The following LYPLAL1 variants were observed in gnomAD, a reference collection of about 807,000 sequenced individuals.
LYPLAL1 encodes lysophospholipase-like protein 1.
Under a neutral mutation model 19.7 loss-of-function variants are expected in LYPLAL1, and 23 were observed. The ratio of observed to expected loss-of-function variants is 1.17; its 90% CI spans 0.84 to 1.65. The LOEUF (loss-of-function observed/expected upper bound fraction) is 1.65, where lower values mean the gene tolerates loss of function less well. LYPLAL1 is among the 40% of genes most tolerant of loss of function. The pLI, the probability that LYPLAL1 is intolerant of heterozygous loss-of-function variation, is 0.00. For missense variants in LYPLAL1, 355 were observed against 279.4 expected (o/e 1.27, Z -1.93); for synonymous variants, 119 against 96.3 (o/e 1.24, Z -1.38).
the LYPLAL1 span, among the ~76,000 whole-genome samples, chr1:219,330,767 A>G: frequency 6.6e-6 from 1 of 152,228 alleles, no homozygotes; most frequent in Non-Finnish European, 1.5e-5. Context: ...TGTTTGTCTC[A>G]TAAAAGCTGT....
the LYPLAL1 span, among the ~76,000 whole-genome samples, chr1:219,352,256 C>T: frequency 0.071 from 10,735 of 152,268 alleles, 481 homozygotes; most frequent in Non-Finnish European, 0.1. Context: ...GGGGGCCAGG[C>T]GCGGTGGCTC....
At chr1:219,309,282 C>T in the LYPLAL1 span, among the ~76,000 whole-genome samples, 1 of 152,168 alleles carries the variant, frequency 6.6e-6, no homozygotes, top group African/African-American at 2.4e-5. Context: ...TAGGAAGTAA[C>T]TAGCTTGCTT....
At chr1:219,410,977 C>T in the LYPLAL1 span, among the ~76,000 whole-genome samples, 6 of 152,360 alleles carry the variant, frequency 3.9e-5, no homozygotes, top group East Asian at 7.7e-4. Context: ...CCCCGACGAG[C>T]GCCACCCCCT....
At chr1:219,224,796 C>T in the LYPLAL1 span, among the ~76,000 whole-genome samples, 1 of 152,120 alleles carries the variant, frequency 6.6e-6, no homozygotes, top group South Asian at 2.1e-4. Context: ...CAGGCCCAAT[C>T]TAATGTTTAT....
At chr1:219,220,599 C>G in the LYPLAL1 span, among the ~76,000 whole-genome samples, 1 of 152,130 alleles carries the variant, frequency 6.6e-6, no homozygotes, top group South Asian at 2.1e-4. Flanking sequence ...CCTTCATTTA[C>G]TGACCAAACT....
intron 2 of LYPLAL1, among the ~76,000 whole-genome samples, chr1:219,184,648 T>A (rs1317831356): frequency 6.6e-6 from 1 of 151,860 alleles, no homozygotes; most frequent in African/African-American, 2.4e-5. Context: ...AGCTGAGAGG[T>A]TTCTTTGTGA....
the LYPLAL1 span, among the ~76,000 whole-genome samples, chr1:219,303,007 C>T: frequency 6.6e-6 from 1 of 152,184 alleles, no homozygotes; most frequent in Non-Finnish European, 1.5e-5. Context: ...ACAAAATAGA[C>T]TATGAGCTCA....
chr1:219,443,035 G>A, the LYPLAL1 span, among the ~76,000 whole-genome samples: 1 of 151,834 alleles, frequency 6.6e-6, no homozygotes, highest in Non-Finnish European at 1.5e-5. Flanking sequence ...GGCCTCTGAG[G>A]GGAATTGTTT....
At chr1:219,257,540 G>A in the LYPLAL1 span, among the ~76,000 whole-genome samples, 1 of 151,930 alleles carries the variant, frequency 6.6e-6, no homozygotes, top group Admixed American at 6.6e-5. Context: ...CGGTAGGTCT[G>A]TGATGCCCAC....
the LYPLAL1 span, among the ~76,000 whole-genome samples, chr1:219,444,401 T>C: frequency 3.3e-5 from 5 of 152,188 alleles, no homozygotes; most frequent in African/African-American, 1.2e-4. Context: ...AAAATCTCAG[T>C]CCTTCCCCAA....
At chr1:219,216,878 CT>C (rs2125131641), downstream of LYPLAL1, among the ~76,000 whole-genome samples, 1 of 152,226 alleles carries the variant, frequency 6.6e-6, no homozygotes, top group Non-Finnish European at 1.5e-5. Flanking sequence ...GTCTTCCTTT[CT>C]TAAGGAATGA....
the LYPLAL1 span, among the ~76,000 whole-genome samples, chr1:219,240,046 C>G: frequency 6.6e-6 from 1 of 152,190 alleles, no homozygotes; most frequent in Non-Finnish European, 1.5e-5. Flanking sequence ...ATGTTGAGGT[C>G]CTGGTTCTAA....
chr1:219,239,248 A>G, the LYPLAL1 span, among the ~76,000 whole-genome samples: 3 of 152,222 alleles, frequency 2.0e-5, no homozygotes, highest in African/African-American at 7.2e-5. Flanking sequence ...TGGGATTTGA[A>G]CATACGCTAT....
chr1:219,435,591 C>T, the LYPLAL1 span, among the ~76,000 whole-genome samples: 2 of 152,056 alleles, frequency 1.3e-5, no homozygotes, highest in African/African-American at 4.8e-5. Flanking sequence ...CTTTGGGAGG[C>T]CGAGGCAGGC....
chr1:219,383,908 TG>T, the LYPLAL1 span, among the ~76,000 whole-genome samples: 1 of 152,202 alleles, frequency 6.6e-6, no homozygotes, highest in Non-Finnish European at 1.5e-5. Flanking sequence ...ATGTCATTTC[TG>T]TTTACATATA....
intron 4 of LYPLAL1, 46 bp downstream of exon 4, chr1:219,210,693 A>G (rs761566667): frequency 6.5e-7 from 1 of 1,538,542 alleles, no homozygotes; most frequent in Non-Finnish European, 8.8e-7. Context: ...TGAAATATAT[A>G]CATGTTAAAA....
chr1:219,310,765 A>G, the LYPLAL1 span, among the ~76,000 whole-genome samples: 3 of 152,232 alleles, frequency 2.0e-5, no homozygotes, highest in South Asian at 4.1e-4. Context: ...AAAACGAACA[A>G]TACATGTAGG....
chr1:219,261,423 T>C, the LYPLAL1 span, among the ~76,000 whole-genome samples: 6 of 152,174 alleles, frequency 3.9e-5, no homozygotes, highest in Non-Finnish European at 5.9e-5. Context: ...TATAGTCAGT[T>C]GTCTTCATTT....
the LYPLAL1 span, chr1:219,222,604 C>A: frequency 1.3e-5 from 2 of 152,126 alleles, no homozygotes; most frequent in African/African-American, 4.8e-5. Context: ...CACACCACCC[C>A]CCTCATCTTC....
Sources: gnomAD v4.1 joint callset for allele counts (sites outside exome capture counted in the v4.1 genomes callset) on GRCh38, gnomAD v4.1.1 for gene constraint, MANE v1.5 for transcripts, NCBI Gene and HGNC (gene_info 2026-07-23, HGNC 2026-07-21) for gene names.